Variants in WNK1 observed in about 807,000 individuals in gnomAD.
The protein encoded by WNK1 is serine/threonine-protein kinase WNK1.
WNK1 carries 38 observed loss-of-function variants against 222.8 expected under a neutral mutation model. That is an observed-to-expected ratio of 0.17 (90% CI 0.13 to 0.22). WNK1 has a LOEUF of 0.22. Ranked by LOEUF, WNK1 falls within the 10% of genes least tolerant of loss-of-function variation. The probability of loss-of-function intolerance (pLI) is 1.00; values close to 1 mark genes in which losing one functional copy is unlikely to be tolerated. For missense variants in WNK1, 2,348 were observed against 2,918.4 expected (o/e 0.80, Z 4.50); for synonymous variants, 1,090 against 1,092.9 (o/e 1.00, Z 0.05).
At chr12:883,120 C>G in intron 15 of WNK1, 61 bp downstream of exon 15, 2 of 1,208,416 alleles carry the variant, frequency 1.7e-6, no homozygotes, top group East Asian at 2.3e-5. Flanking sequence ...AGCCATTGCT[C>G]TAGGCAAATA....
intron 4 of WNK1, among the ~76,000 whole-genome samples, chr12:852,369 G>A (rs557084290): frequency 1.3e-5 from 2 of 152,100 alleles, no homozygotes; most frequent in African/African-American, 4.8e-5. Flanking sequence ...TTTGTGTTTT[G>A]TAATGAGTGT....
intron 1 of WNK1, among the ~76,000 whole-genome samples, chr12:758,413 C>T (rs1454369204): frequency 2.4e-4 from 24 of 99,144 alleles, no homozygotes; most frequent in African/African-American, 8.6e-4. Context: ...CGGAGTCTCG[C>T]TCTGTCGCCC....
At chr12:758,373 CTTTT>C (rs397957357) in intron 1 of WNK1, among the ~76,000 whole-genome samples, 10 of 64,728 alleles carry the variant, frequency 1.5e-4, no homozygotes, top group Admixed American at 7.6e-4. Flanking sequence ...TGCTATAGTT[CTTTT>C]TTTTTTTTTT....
Position 884,916 on chromosome 12 carries a change from T to A in WNK1, c.4112T>A (p.Ile1371Asn). 6.2e-7 allele frequency: 1 copy of A among 1,614,150 alleles called. No homozygotes were observed. Among genetic ancestry groups the A allele is most frequent in the South Asian group, 1.1e-5 (1 of 91,074 alleles). Residue 1371 changes from isoleucine to asparagine, a missense_variant, in exon 19 of 28, where the codon ATT (isoleucine) becomes AAT (asparagine). Ile to Asn is a moderately radical substitution (Grantham distance 149). Transcript: ENST00000315939. The surrounding 1 kb of genome is among the most constrained non-coding windows in gnomAD (Gnocchi z 5.6). Reference sequence around the variant, plus strand: ...CCTAATGACATTTCCACATCAGTAATTCAGTCTGAGGTTACAGTGCCCACT... The same window carrying A: ...CCTAATGACATTTCCACATCAGTAAATCAGTCTGAGGTTACAGTGCCCACT... ...SPPNDISTSV[I>N]QSEVTVPTEE...
At chr12:820,028 T>C (rs964681571) in intron 2 of WNK1, among the ~76,000 whole-genome samples, 5 of 152,238 alleles carry the variant, frequency 3.3e-5, no homozygotes, top group Admixed American at 6.5e-5. Context: ...TTTTCACTAT[T>C]GTTTTTGACA....
intron 10 of WNK1, 65 bp from the exon 11 acceptor site, chr12:879,502 TGGCAGC>T: frequency 9.8e-7 from 1 of 1,021,968 alleles, no homozygotes; most frequent in South Asian, 1.6e-5. Context: ...ATCTTGCTTT[TGGCAGC>T]CTTGCTTTTT....
chr12:875,307 T>C (rs1211870495), intron 9 of WNK1, among the ~76,000 whole-genome samples: 11 of 152,214 alleles, frequency 7.2e-5, no homozygotes, highest in Admixed American at 7.2e-4. Flanking sequence ...TAACCATGTA[T>C]TCAGACCTTT....
At chr12:900,837 C>T (rs1036641507) in intron 26 of WNK1, 167 bp downstream of exon 26, 14 of 855,760 alleles carry the variant, frequency 1.6e-5, no homozygotes, top group Non-Finnish European at 2.3e-5. Context: ...TAATGAGAAT[C>T]GGTGGGCTCA....
chr12:871,124 C>A lies in WNK1; in HGVS notation c.2140-141C>A, dbSNP rs72649869. 1.8e-5 allele frequency: 14 copies of A among 773,626 alleles called. No homozygotes were observed. In the African/African-American group the frequency reaches 2.2e-4, roughly 12 times the overall value. The allele number at this position is 773,626 out of a possible 1,614,324, so 47.9% of individuals were successfully genotyped here. On this transcript the variant is annotated intron_variant, in intron 8 of 27. Coordinates refer to ENST00000315939, the MANE Select transcript of WNK1 (RefSeq NM_018979.4). ...TTTCTTACAAAAGTTGACCCAGAGGCCTCTCCCATACATAATCAGGTTAAT... is the reference window on the plus strand; with the variant it reads ...TTTCTTACAAAAGTTGACCCAGAGGACTCTCCCATACATAATCAGGTTAAT...
chr12:897,532 C>T lies in WNK1; in HGVS notation c.6299C>T (p.Ser2100Phe). Residue 2100 changes from serine to phenylalanine, a missense_variant, in exon 25 of 28, where the codon TCT becomes TTT. This residue lies in a region of WNK1 where 1,144 missense variants were observed against 1,273.6 expected (regional missense o/e 0.90). Coordinates refer to ENST00000315939, the MANE Select transcript of WNK1 (RefSeq NM_018979.4). ...AGTCGCCAGAAGCATGAAATTGAAT[C>T]TTTGTATACCAAACTGGGCAAGGTG... is the stretch of plus-strand genomic sequence containing the variant. ...LQSRQKHEIE[S>F]LYTKLGKVPP... The T allele has an allele frequency of 6.2e-7, 1 of 1,613,368 alleles. No homozygotes were observed. Among genetic ancestry groups the T allele is most frequent in the Non-Finnish European group, 8.5e-7 (1 of 1,179,264 alleles).
intron 1 of WNK1, among the ~76,000 whole-genome samples, chr12:797,242 G>C (rs1484240962): frequency 6.6e-6 from 1 of 152,024 alleles, no homozygotes; most frequent in Admixed American, 6.6e-5. Context: ...CATTCTTACT[G>C]TGATTACTGT....
chr12:767,968 A>T (rs1221249839), intron 1 of WNK1, among the ~76,000 whole-genome samples: 1 of 152,132 alleles, frequency 6.6e-6, no homozygotes, highest in African/African-American at 2.4e-5. Context: ...CTACCTAGAC[A>T]TGCTCTTTTC....
chr12:883,920 C>T (rs1953414445), intron 17 of WNK1, 89 bp downstream of exon 17: 5 of 1,548,430 alleles, frequency 3.2e-6, no homozygotes, highest in South Asian at 1.1e-5. Context: ...CCCAGCTACT[C>T]AGGAGGCCGA....
At chr12:777,518 A>T (rs528588644) in intron 1 of WNK1, among the ~76,000 whole-genome samples, 1 of 152,332 alleles carries the variant, frequency 6.6e-6, no homozygotes, top group South Asian at 2.1e-4. Context: ...TGATTTTGTC[A>T]TAGAGTTAGG....
chr12:826,274 T>A (rs1386703378), intron 2 of WNK1, among the ~76,000 whole-genome samples: 1 of 152,238 alleles, frequency 6.6e-6, no homozygotes, highest in African/African-American at 2.4e-5. Context: ...TTTTAGTTAA[T>A]CTACATTTGA....
At chr12:865,574 T>A (rs1951594058) in intron 8 of WNK1, among the ~76,000 whole-genome samples, 1 of 152,192 alleles carries the variant, frequency 6.6e-6, no homozygotes, top group Admixed American at 6.5e-5. Flanking sequence ...AGAATACCTA[T>A]AATGTCCTTG....
At chr12:769,258 G>GC (rs1258025105) in intron 1 of WNK1, among the ~76,000 whole-genome samples, 1 of 151,920 alleles carries the variant, frequency 6.6e-6, no homozygotes, top group Non-Finnish European at 1.5e-5. Flanking sequence ...GAGTGCAGTG[G>GC]CACCATCTCT....
At chr12:887,442 C>T in intron 20 of WNK1, 138 bp downstream of exon 20, 4 of 804,272 alleles carry the variant, frequency 5.0e-6, no homozygotes, top group East Asian at 5.2e-5. Context: ...ATGTTATAAC[C>T]AATGACCCAG....
intron 1 of WNK1, among the ~76,000 whole-genome samples, chr12:767,067 G>C (rs538268117): frequency 3.1e-4 from 47 of 151,662 alleles, no homozygotes; most frequent in Admixed American, 9.2e-4. Context: ...GTGAGCCACC[G>C]TGCCCGGCCC....
Sources: gnomAD v4.1 joint callset for allele counts (sites outside exome capture counted in the v4.1 genomes callset) on GRCh38, gnomAD v4.1.1 for gene constraint, gnomAD v4.1.1 regional missense constraint, Gnocchi (gnomAD v3.1) non-coding constraint, MANE v1.5 for transcripts, NCBI Gene and HGNC (gene_info 2026-07-23, HGNC 2026-07-21) for gene names.